The following SPMIP8 variants were observed in gnomAD, a reference collection of about 807,000 sequenced individuals.
SPMIP8 encodes the protein testicular tissue protein Li 196.
the SPMIP8 span, chr16:57,984,636 G>A: frequency 1.9e-6 from 3 of 1,576,596 alleles, no homozygotes; most frequent in Non-Finnish European, 2.6e-6. Context: ...GCCCTGTCAG[G>A]ACATCACCGC....
chr16:57,985,890 C>A, the SPMIP8 span: 4 of 1,608,764 alleles, frequency 2.5e-6, no homozygotes, highest in Non-Finnish European at 3.4e-6. Context: ...TCGTGCTCAC[C>A]CGCCCCGTTC....
the SPMIP8 span, chr16:57,984,904 G>A: frequency 2.8e-6 from 4 of 1,451,084 alleles, no homozygotes; most frequent in Admixed American, 7.8e-5. Context: ...CAGGCGGCGG[G>A]CCAGGCAGAA....
chr16:57,988,061 A>T, the SPMIP8 span: 302 of 152,410 alleles, frequency 2.0e-3, 4 homozygotes, highest in Non-Finnish European at 2.1e-3. Flanking sequence ...CCACTCAGAG[A>T]AGAAAGTTCC....
At chr16:57,981,569 T>G in the SPMIP8 span, among the ~76,000 whole-genome samples, 2 of 124,072 alleles carry the variant, frequency 1.6e-5, no homozygotes, top group African/African-American at 6.6e-5. Flanking sequence ...TGGAGTGCAG[T>G]GGCGCTATCT....
chr16:57,979,483 G>A, the SPMIP8 span, among the ~76,000 whole-genome samples: 2 of 152,208 alleles, frequency 1.3e-5, no homozygotes, highest in South Asian at 4.1e-4. Context: ...CCAATTTCCC[G>A]CTTCTGAGAG....
At chr16:57,987,412 A>G in the SPMIP8 span, 1 of 1,597,052 alleles carries the variant, frequency 6.3e-7, no homozygotes. Context: ...CAACTACCTG[A>G]CCCCCTGGCA....
the SPMIP8 span, chr16:57,986,023 C>T: frequency 4.7e-6 from 7 of 1,501,704 alleles, no homozygotes; most frequent in African/African-American, 8.5e-5. Context: ...CTCCCTGACT[C>T]TGAAACCCCC....
At chr16:57,984,772 C>A in the SPMIP8 span, 2 of 1,608,666 alleles carry the variant, frequency 1.2e-6, no homozygotes, top group Non-Finnish European at 1.7e-6. Context: ...TTCGTGTCCT[C>A]GGCCGGGGAG....
At chr16:57,985,280 G>C in the SPMIP8 span, 1 of 1,557,394 alleles carries the variant, frequency 6.4e-7, no homozygotes, top group South Asian at 1.2e-5. Context: ...AGGGAGCGCT[G>C]CGCGCAGACC....
At chr16:57,985,126 T>TG in the SPMIP8 span, 1 of 1,267,228 alleles carries the variant, frequency 7.9e-7, no homozygotes, top group Non-Finnish European at 1.0e-6. Flanking sequence ...GGCTGGATTG[T>TG]GGGCGGGGCT....
chr16:57,985,010 G>GGGCGGAGCCA, the SPMIP8 span, among the ~76,000 whole-genome samples: 15 of 152,292 alleles, frequency 9.8e-5, 1 homozygote, highest in South Asian at 1.9e-3. Flanking sequence ...CTTGGGGAGG[G>GGGCGGAGCCA]GGCGGAGCCA....
At chr16:57,986,503 C>G in the SPMIP8 span, 1 of 152,286 alleles carries the variant, frequency 6.6e-6, no homozygotes, top group Non-Finnish European at 1.5e-5. Context: ...CCCAGCAGAC[C>G]AAGCACTCTT....
chr16:57,984,573 G>C, the SPMIP8 span: 1 of 1,501,344 alleles, frequency 6.7e-7, no homozygotes, highest in Non-Finnish European at 8.9e-7. Context: ...GGATGGACTG[G>C]GATGGCTTCC....
chr16:57,978,630 T>C, the SPMIP8 span, among the ~76,000 whole-genome samples: 161 of 152,232 alleles, frequency 1.1e-3, 1 homozygote, highest in African/African-American at 3.8e-3. Context: ...TGTTTTGTTT[T>C]TTGAAGACAG....
At chr16:57,985,555 C>G in the SPMIP8 span, 1 of 1,586,802 alleles carries the variant, frequency 6.3e-7, no homozygotes, top group Non-Finnish European at 8.6e-7. Context: ...CTGTAAGTGA[C>G]GCCACGCGCC....
the SPMIP8 span, chr16:57,984,831 A>G: frequency 6.3e-7 from 1 of 1,578,556 alleles, no homozygotes. Flanking sequence ...GGGCCGCTGA[A>G]GGAACTGCCG....
At chr16:57,984,876 G>C in the SPMIP8 span, 1 of 1,503,176 alleles carries the variant, frequency 6.7e-7, no homozygotes. Flanking sequence ...CAGGGAACGT[G>C]GACTGCGGAC....
the SPMIP8 span, among the ~76,000 whole-genome samples, chr16:57,979,518 G>T: frequency 6.6e-6 from 1 of 152,160 alleles, no homozygotes; most frequent in Non-Finnish European, 1.5e-5. Flanking sequence ...GATTTTTAAG[G>T]AAAGCTCTGA....
At chr16:57,982,962 G>A in the SPMIP8 span, among the ~76,000 whole-genome samples, 1 of 152,114 alleles carries the variant, frequency 6.6e-6, no homozygotes, top group South Asian at 2.1e-4. Context: ...CCTGGGTGGC[G>A]GAGGTTGCAG....
Sources: gnomAD v4.1 joint callset for allele counts (sites outside exome capture counted in the v4.1 genomes callset) on GRCh38, gnomAD v4.1.1 for gene constraint, MANE v1.5 for transcripts, NCBI Gene and HGNC (gene_info 2026-07-23, HGNC 2026-07-21) for gene names.